Variants in PSIP1 observed in about 807,000 individuals in gnomAD.
The protein encoded by PSIP1 is PC4 and SRSF1 interacting protein 1.
A neutral mutation model predicts 74.7 loss-of-function variants in PSIP1; 19 were observed. The ratio of observed to expected loss-of-function variants is 0.25; its 90% CI spans 0.18 to 0.37. The LOEUF is 0.37. Among genes scored for constraint, PSIP1 ranks in the 10% least tolerant of loss-of-function variants. The pLI, the probability that PSIP1 is intolerant of heterozygous loss-of-function variation, is 1.00. For missense variants in PSIP1, 601 were observed against 614.3 expected (o/e 0.98, Z 0.23); for synonymous variants, 222 against 195.3 (o/e 1.14, Z -1.14).
chr9:15,479,701 A>C lies in PSIP1; in HGVS notation c.457-14T>G, dbSNP rs1037961312. The C allele has an allele frequency of 1.9e-6, 3 of 1,604,788 alleles. No homozygotes were observed. The African/African-American group carries it at 4.0e-5, about 22-fold the overall frequency. On this transcript the variant is annotated splice_polypyrimidine_tract_variant and intron_variant, in intron 6 of 15. Transcript: ENST00000380733. ...TTGTTTTTCTGCCTGAATTACAAAA[A>C]TTTAATTAACTTATTTAGCAAATAG...
chr9:15,472,003 A>G, intron 10 of PSIP1: 1 of 974,566 alleles, frequency 1.0e-6, no homozygotes, highest in Non-Finnish European at 1.2e-6. Flanking sequence ...TCTGTTCATT[A>G]TTATCATTGC....
At chr9:15,507,946 G>A (rs1415417706) in intron 2 of PSIP1, among the ~76,000 whole-genome samples, 1 of 152,140 alleles carries the variant, frequency 6.6e-6, no homozygotes, top group Non-Finnish European at 1.5e-5. Flanking sequence ...AACTTTGTGG[G>A]AATGTCCCGA....
Position 15,469,958 on chromosome 9 carries a change from T to A in PSIP1, c.1013A>T (p.Lys338Met). 2 of 1,608,198 alleles carry A rather than the reference T, an allele frequency of 1.2e-6. No individual in the cohort carries two copies. Among genetic ancestry groups the A allele is most frequent in the Non-Finnish European group, 1.7e-6 (2 of 1,178,218 alleles). The change falls in exon 11 of 16, where the codon AAG becomes ATG. Residue 338 changes from lysine to methionine, a missense_variant. By Grantham distance (95) the Lys-to-Met change is moderately conservative (BLOSUM62 -1). Coordinates refer to ENST00000380733, the MANE Select transcript of PSIP1 (RefSeq NM_033222.5). The part of the protein sequence containing the change: ...NKDEGKKPEV[K>M]KVEKKRETSM... ...CTAACCTCGCTTCTTCTCCACTTTC[T>A]TAACTTCTGGCTTCTTTCCTTCATC...
rs377493463 is a variant in PSIP1 at position 15,510,524 on chromosome 9, G to C, written c.-141-195C>G. On this transcript the variant is annotated intron_variant, in intron 1 of 15. Transcript: ENST00000380733. ...CACCGAAGAGACGCCACCACCTGAA[G>C]CAGGGATGCTGCCCGGCCAGAAATC... Among the ~76,000 whole-genome samples, 5 of 152,252 alleles carry C rather than the reference G, an allele frequency of 3.3e-5. No individual in the cohort carries two copies. The East Asian group carries it at 7.7e-4, about 24-fold the overall frequency.
rs1173728421 is a variant in PSIP1 at position 15,468,652 on chromosome 9, T to TTTG, written c.1395_1397dup (p.Asn465dup). On this transcript the variant is annotated inframe_insertion, in exon 14 of 16. Coordinates refer to ENST00000380733, the MANE Select transcript of PSIP1 (RefSeq NM_033222.5). Reference sequence around the variant, plus strand: ...TACCTGTTTGTTCCTTCTCTAGCTTTTTGTTTGGCCCTTTCTTCCCTTGAT... The same window carrying TTTG: ...TACCTGTTTGTTCCTTCTCTAGCTTTTTGTTGTTTGGCCCTTTCTTCCCTTGAT... 1 of 1,614,140 alleles carries TTTG rather than the reference T, an allele frequency of 6.2e-7. No individual in the cohort carries two copies. The highest frequency in any genetic ancestry group is 1.3e-5 in the African/African-American group (1 of 75,058).
At chr9:15,467,681 T>C (rs2035692179) in intron 14 of PSIP1, among the ~76,000 whole-genome samples, 1 of 152,202 alleles carries the variant, frequency 6.6e-6, no homozygotes, top group South Asian at 2.1e-4. Flanking sequence ...TTTGTATAAG[T>C]TATAAATTTT....
Position 15,497,597 on chromosome 9 carries a change from T to A in PSIP1, c.150-7473A>T, listed in dbSNP as rs375785944. Among the ~76,000 whole-genome samples, 8 of 152,106 alleles carry A rather than the reference T, an allele frequency of 5.3e-5. No homozygotes were observed. In the East Asian group the frequency reaches 7.7e-4, roughly 15 times the overall value. On this transcript the variant is annotated intron_variant, in intron 3 of 15. Coordinates refer to ENST00000380733, the MANE Select transcript of PSIP1 (RefSeq NM_033222.5). ...ACCTCGGCCTCCCAAAGTGCTGGGA[T>A]TACAGGCGTGAGCCACCGCGCCCGG... is the stretch of plus-strand genomic sequence containing the variant.
Position 15,485,986 on chromosome 9 carries a change from T to A in PSIP1, c.456+20A>T. The A allele has an allele frequency of 6.3e-7, 1 of 1,579,144 alleles. No homozygotes were observed. The highest frequency in any genetic ancestry group is 8.7e-7 in the Non-Finnish European group (1 of 1,151,296). ...AAAATTCTTTTCAGATCCCCATGGT[T>A]GGTAAGTCAGTGAAATTACCTTTCT... On this transcript the variant is annotated intron_variant, in intron 6 of 15. Transcript: ENST00000380733.
rs1228649633 is a variant in PSIP1, at chr9:15,472,671, T to C, written c.938A>G (p.Asp313Gly). ...TTGTTCCTCTTGCTTGCGTTTTCGATCTGCTGCTTCTTTCTCATGTTGGCC... is the reference window on the plus strand; with the variant it reads ...TTGTTCCTCTTGCTTGCGTTTTCGACCTGCTGCTTCTTTCTCATGTTGGCC... The part of the protein sequence containing the change: ...LKGQHEKEAA[D>G]RKRKQEEQME... The change falls in exon 10 of 16, where the codon GAT becomes GGT. Residue 313 changes from aspartate to glycine, a missense_variant. Asp to Gly is a moderately conservative substitution (Grantham distance 94). Transcript: ENST00000380733. The C allele has an allele frequency of 6.2e-7, 1 of 1,607,176 alleles. No individual in the cohort carries two copies.
intron 3 of PSIP1, among the ~76,000 whole-genome samples, chr9:15,499,833 C>G (rs868099131): frequency 6.7e-6 from 1 of 149,094 alleles, no homozygotes; most frequent in African/African-American, 2.5e-5. Flanking sequence ...AAGATCACGC[C>G]ACTGCACTCT....
chr9:15,509,061 G>C (rs1345128491), intron 2 of PSIP1, among the ~76,000 whole-genome samples: 7 of 152,162 alleles, frequency 4.6e-5, no homozygotes. Context: ...CACTTGGATG[G>C]CACTCTCAGC....
Position 15,510,967 on chromosome 9 carries a change from T to G in PSIP1, c.-292A>C, listed in dbSNP as rs1254718263. 1 of 152,832 alleles carries G rather than the reference T, an allele frequency of 6.5e-6. No homozygotes were observed. Among genetic ancestry groups the G allele is most frequent in the East Asian group, 1.9e-4 (1 of 5,202 alleles). The allele number at this position is 152,832 out of a possible 1,614,324, so 9.5% of individuals were successfully genotyped here. A position where few individuals can be genotyped will look rare whatever the true frequency, so the allele number is the denominator to read the frequency against. ...GCCGCTGCCGCCGCCGTAGCTGCGC[T>G]GCTCCCGCGCGGCTCCCGCTCGGCG... On this transcript the variant is annotated 5_prime_UTR_variant, in exon 1 of 16. Transcript: ENST00000380733.
At chr9:15,495,868 G>A (rs935285765) in intron 3 of PSIP1, among the ~76,000 whole-genome samples, 5 of 152,074 alleles carry the variant, frequency 3.3e-5, no homozygotes, top group African/African-American at 1.2e-4. Context: ...CTCTCCAACT[G>A]CAAACCATCT....
At chr9:15,497,484 G>T (rs919979236) in intron 3 of PSIP1, among the ~76,000 whole-genome samples, 1 of 151,836 alleles carries the variant, frequency 6.6e-6, no homozygotes, top group Non-Finnish European at 1.5e-5. Context: ...GTGCAACCAC[G>T]CCTGGCTACT....
In PSIP1 at chr9:15,486,838, C is replaced by G; in HGVS notation, c.382G>C (p.Ala128Pro). The change falls in exon 5 of 16, where the codon GCC (alanine) becomes CCC (proline). Residue 128 changes from alanine (A) to proline (P), a missense_variant. By Grantham distance (27) the Ala-to-Pro change is conservative. Coordinates refer to ENST00000380733, the MANE Select transcript of PSIP1 (RefSeq NM_033222.5). ...SKEDTDHEEK[A>P]SNEDVTKAVD... ...GAAATAGAACATACCTCATTGCTGG[C>G]TTTTTCTTCATGGTCGGTATCTTCC... 1.2e-6 allele frequency: 2 copies of G among 1,602,246 alleles called. No homozygotes were observed. Among genetic ancestry groups the G allele is most frequent in the Non-Finnish European group, 1.7e-6 (2 of 1,172,510 alleles).
intron 2 of PSIP1, among the ~76,000 whole-genome samples, chr9:15,508,940 C>A (rs772741622): frequency 1.3e-5 from 2 of 152,026 alleles, no homozygotes; most frequent in Admixed American, 1.3e-4. Flanking sequence ...AAGACTGCAC[C>A]GAAAAGGCAG....
At chr9:15,481,027 T>C (rs1475978138) in intron 6 of PSIP1, among the ~76,000 whole-genome samples, 1 of 152,238 alleles carries the variant, frequency 6.6e-6, no homozygotes, top group Non-Finnish European at 1.5e-5. Context: ...TGAAACATAA[T>C]GAAGCATATT....
At chr9:15,474,677 TCA>T (rs1454731460) in intron 8 of PSIP1, among the ~76,000 whole-genome samples, 4 of 152,176 alleles carry the variant, frequency 2.6e-5, no homozygotes, top group Non-Finnish European at 5.9e-5. Flanking sequence ...CCACTGAATT[TCA>T]CAGACACCAC....
intron 3 of PSIP1, among the ~76,000 whole-genome samples, chr9:15,501,741 GAC>G (rs2037352881): frequency 6.6e-6 from 1 of 151,242 alleles, no homozygotes; most frequent in Non-Finnish European, 1.5e-5. Flanking sequence ...TCTTTGACTA[GAC>G]AGTTGTACCT....
Sources: gnomAD v4.1 joint callset for allele counts (sites outside exome capture counted in the v4.1 genomes callset) on GRCh38, gnomAD v4.1.1 for gene constraint, MANE v1.5 for transcripts, NCBI Gene and HGNC (gene_info 2026-07-23, HGNC 2026-07-21) for gene names.